FRAS1: variants seen among roughly 807,000 people sequenced by gnomAD.
The protein encoded by FRAS1 is extracellular matrix organizing protein FRAS1.
Under a neutral mutation model 435.2 loss-of-function variants are expected in FRAS1, and 290 were observed. That is an observed-to-expected ratio of 0.67 (90% CI 0.61 to 0.73). FRAS1 has a LOEUF of 0.73. FRAS1 is among the 30% of genes least tolerant of loss of function. The pLI is 0.00. For synonymous variants in FRAS1, 1,800 were observed against 1,851.0 expected (o/e 0.97, Z 0.71); for missense variants, 4,860 against 5,001.5 (o/e 0.97, Z 0.85).
intron 2 of FRAS1, among the ~76,000 whole-genome samples, chr4:78,210,262 C>T (rs2110084147): frequency 6.6e-6 from 1 of 152,322 alleles, no homozygotes; most frequent in Non-Finnish European, 1.5e-5. Flanking sequence ...AAGCCTTTTT[C>T]TCCAAAGCTG....
chr4:78,074,599 G>A (rs1224885024), intron 2 of FRAS1, among the ~76,000 whole-genome samples: 1 of 152,120 alleles, frequency 6.6e-6, no homozygotes, highest in Non-Finnish European at 1.5e-5. Context: ...TGTGTTGGCA[G>A]AGTCCTGATT....
chr4:78,423,918 A>G (rs145753978), intron 34 of FRAS1, among the ~76,000 whole-genome samples: 2,356 of 152,324 alleles, frequency 0.015, 75 homozygotes, highest in African/African-American at 0.053. Flanking sequence ...GAGCCTGTTC[A>G]GAGAGAGCAG....
chr4:78,430,359 T>G lies in FRAS1; in HGVS notation c.4911T>G (p.Pro1637=). ...PKELFFELRR[P]PQHGVLLKHT... ...AACTCTTCTTTGAGCTTCGGAGACC[T>G]CCACAGCATGGTGTGCTTCTTAAGC... The change falls in exon 37 of 74, where the codon CCT becomes CCG. Residue 1637 remains proline (P), a synonymous_variant. Transcript: ENST00000512123. The G allele has an allele frequency of 6.2e-7, 1 of 1,613,874 alleles. No individual in the cohort carries two copies. The highest frequency in any genetic ancestry group is 8.5e-7 in the Non-Finnish European group (1 of 1,179,852).
rs901465000 is a variant in FRAS1 at position 78,308,198 on chromosome 4, G to A, written c.1667G>A (p.Gly556Asp). ...GGAAAAGGCTTCTACAACAGGCAGG[G>A]CACCTGTAGCGGTGAGTGCTGGGTT... ...SCGKGFYNRQ[G>D]TCSACDQSCD... Residue 556 changes from glycine (G) to aspartate (D), a missense_variant, in exon 15 of 74, where the codon GGC becomes GAC. Coordinates refer to ENST00000512123, the MANE Select transcript of FRAS1 (RefSeq NM_025074.7). 8.7e-6 allele frequency: 14 copies of A among 1,613,776 alleles called. No individual in the cohort carries two copies. The highest frequency in any genetic ancestry group is 3.3e-5 in the Admixed American group (2 of 59,984).
At chr4:78,251,367 G>A (rs1475019291) in intron 4 of FRAS1, among the ~76,000 whole-genome samples, 3 of 152,190 alleles carry the variant, frequency 2.0e-5, no homozygotes, top group Admixed American at 6.5e-5. Context: ...AGAAGTTTGA[G>A]CATCTTTCTA....
chr4:78,255,270 T>A lies in FRAS1; in HGVS notation c.498T>A (p.Phe166Leu). Residue 166 changes from phenylalanine (F) to leucine (L), a missense_variant, in exon 6 of 74, where the codon TTT becomes TTA. Phe to Leu is a conservative substitution (Grantham distance 22). Coordinates refer to ENST00000512123, the MANE Select transcript of FRAS1 (RefSeq NM_025074.7). Reference sequence around the variant, plus strand: ...CCTGTTCCTATGAAGGCCATGTGTTTCAGGATGGGGAGGACTGGCGGCTGA... The same window carrying A: ...CCTGTTCCTATGAAGGCCATGTGTTACAGGATGGGGAGGACTGGCGGCTGA... ...GKPCSYEGHV[F>L]QDGEDWRLSR... The A allele has an allele frequency of 6.4e-7, 1 of 1,553,634 alleles. No individual in the cohort carries two copies. The highest frequency in any genetic ancestry group is 1.4e-5 in the African/African-American group (1 of 73,338).
intron 18 of FRAS1, among the ~76,000 whole-genome samples, chr4:78,325,735 A>G (rs1729691810): frequency 6.6e-6 from 1 of 152,250 alleles, no homozygotes; most frequent in Admixed American, 6.5e-5. Flanking sequence ...AGAGCATGAC[A>G]CATGCCATAA....
At chr4:78,300,859 CGTGATGGTCCAACTCCCT>C (rs1560636805) in intron 14 of FRAS1, among the ~76,000 whole-genome samples, 3 of 152,004 alleles carry the variant, frequency 2.0e-5, no homozygotes, top group Non-Finnish European at 4.4e-5. Flanking sequence ...TAGAGCTGCT[CGTGATGGTCCAACTCCCT>C]GTGACTGGCT....
intron 32 of FRAS1, among the ~76,000 whole-genome samples, chr4:78,416,551 C>A (rs1032974059): frequency 1.3e-5 from 2 of 151,668 alleles, no homozygotes; most frequent in African/African-American, 4.8e-5. Context: ...GGTACCATTC[C>A]TCAAGATCAG....
In FRAS1 at chr4:78,387,512, T is replaced by C. The variant is rs372363321; in HGVS notation, c.3786T>C (p.His1262=). ...TTGAAATAATCGATCCTCCACTTCA[T>C]GGCCAATTGCTTCAGACACTTCAGT... ...VVIEIIDPPL[H]GQLLQTLQSP... The change falls in exon 29 of 74, where the codon CAT becomes CAC. Residue 1262 remains histidine, a synonymous_variant. Transcript: ENST00000512123. The C allele has an allele frequency of 6.2e-7, 1 of 1,613,624 alleles. No homozygotes were observed. Among genetic ancestry groups the C allele is most frequent in the African/African-American group, 1.3e-5 (1 of 74,832 alleles).
At chr4:78,135,094 C>G (rs1303635997) in intron 2 of FRAS1, among the ~76,000 whole-genome samples, 1 of 152,036 alleles carries the variant, frequency 6.6e-6, no homozygotes, top group Non-Finnish European at 1.5e-5. Context: ...TATACAGTAA[C>G]AAACCATATT....
Position 78,214,173 on chromosome 4 carries a change from G to T in FRAS1, c.109-23337G>T, listed in dbSNP as rs1017322263. Among the ~76,000 whole-genome samples, 21 of 152,148 alleles carry T rather than the reference G, an allele frequency of 1.4e-4. 1 individual carries two copies. Among genetic ancestry groups the T allele is most frequent in the Non-Finnish European group, 4.4e-5 (3 of 68,038 alleles). On this transcript the variant is annotated intron_variant, in intron 2 of 73. Coordinates refer to ENST00000512123, the MANE Select transcript of FRAS1 (RefSeq NM_025074.7). ...AAAAATGTCTCCTTTCTTAAATCTT[G>T]CTCCATCTCCTAGCCAGTACACTTG...
intron 27 of FRAS1, among the ~76,000 whole-genome samples, chr4:78,381,785 T>C (rs1439797567): frequency 6.6e-6 from 1 of 152,198 alleles, no homozygotes; most frequent in Non-Finnish European, 1.5e-5. Context: ...TACCCCTAAA[T>C]GGGACAAAGA....
At chr4:78,330,268 A>G (rs574811087) in intron 18 of FRAS1, among the ~76,000 whole-genome samples, 1 of 152,334 alleles carries the variant, frequency 6.6e-6, no homozygotes, top group South Asian at 2.1e-4. Context: ...GTGATTTCCT[A>G]TGCCTGTCTT....
intron 30 of FRAS1, among the ~76,000 whole-genome samples, chr4:78,403,976 A>T (rs1348057409): frequency 2.6e-5 from 4 of 152,210 alleles, no homozygotes; most frequent in African/African-American, 9.6e-5. Flanking sequence ...TCAAAAAATT[A>T]TAAGTCAAAC....
chr4:78,448,357 C>T, intron 44 of FRAS1, 41 bp downstream of exon 44: 2 of 1,525,564 alleles, frequency 1.3e-6, no homozygotes, highest in South Asian at 2.6e-5. Flanking sequence ...GTTTTTCTAT[C>T]CTTATTTCTT....
intron 2 of FRAS1, among the ~76,000 whole-genome samples, chr4:78,153,957 C>T (rs1472942842): frequency 6.6e-6 from 1 of 151,968 alleles, no homozygotes; most frequent in African/African-American, 2.4e-5. Flanking sequence ...ATTCTTTACT[C>T]TACAATTTTT....
chr4:78,231,476 A>T (rs1237038655), intron 2 of FRAS1, among the ~76,000 whole-genome samples: 1 of 152,068 alleles, frequency 6.6e-6, no homozygotes, highest in East Asian at 1.9e-4. Flanking sequence ...CAAAAATATT[A>T]TATCTACATA....
At chr4:78,210,455 G>A (rs1166791184) in intron 2 of FRAS1, among the ~76,000 whole-genome samples, 1 of 152,192 alleles carries the variant, frequency 6.6e-6, no homozygotes, top group Non-Finnish European at 1.5e-5. Flanking sequence ...ACCAAATACA[G>A]TGTCTGGTGC....
Sources: allele counts gnomAD v4.1 joint callset (sites outside exome capture counted in the v4.1 genomes callset), GRCh38; gene constraint gnomAD v4.1.1; transcripts MANE v1.5; gene names NCBI Gene and HGNC (gene_info 2026-07-23, HGNC 2026-07-21).